MAP4: variants seen among roughly 807,000 people sequenced by gnomAD.
MAP4 encodes the protein microtubule associated protein 4.
MAP4 carries 76 observed loss-of-function variants against 170.2 expected under a neutral mutation model. The ratio of observed to expected loss-of-function variants is 0.45; its 90% confidence interval spans 0.37 to 0.54. MAP4 has a LOEUF of 0.54. Ranked by LOEUF, MAP4 falls within the 20% of genes least tolerant of loss-of-function variation. The pLI is 0.00. For synonymous variants in MAP4, 909 were observed against 994.5 expected (o/e 0.91, Z 1.62); for missense variants, 2,506 against 2,748.0 (o/e 0.91, Z 1.97).
intron 1 of MAP4, among the ~76,000 whole-genome samples, chr3:48,085,149 G>A (rs531107660): frequency 7.7e-5 from 11 of 143,598 alleles, no homozygotes; most frequent in Middle Eastern, 7.6e-3. Flanking sequence ...CACATCTTAA[G>A]GAAATCTAAA....
At chr3:47,928,449 A>G in intron 3 of MAP4, 99 bp from the exon 4 acceptor site, 1 of 1,233,420 alleles carries the variant, frequency 8.1e-7, no homozygotes, top group South Asian at 1.4e-5. Context: ...TACAATATAA[A>G]AAATCCTATC....
intron 2 of MAP4, among the ~76,000 whole-genome samples, chr3:47,991,451 G>A (rs111988390): frequency 0.011 from 1,744 of 152,160 alleles, 37 homozygotes; most frequent in African/African-American, 0.04. Flanking sequence ...CAGGAGGATC[G>A]CTTGAGGCCA....
At chr3:48,062,534 A>C (rs1482027136) in intron 1 of MAP4, among the ~76,000 whole-genome samples, 1 of 148,200 alleles carries the variant, frequency 6.7e-6, no homozygotes, top group Non-Finnish European at 1.5e-5. Context: ...TATGTACCCC[A>C]TGACTATGTA....
intron 4 of MAP4, among the ~76,000 whole-genome samples, chr3:47,922,114 ATTTTTGTATT>A (rs1387235713): frequency 1.3e-5 from 2 of 151,928 alleles, no homozygotes; most frequent in Non-Finnish European, 2.9e-5. Flanking sequence ...TGCCTGGCTA[ATTTTTGTATT>A]TTTTTGTAGA....
At chr3:47,953,841 C>T (rs1212450255) in intron 3 of MAP4, among the ~76,000 whole-genome samples, 1 of 151,900 alleles carries the variant, frequency 6.6e-6, no homozygotes, top group Non-Finnish European at 1.5e-5. Flanking sequence ...TGGTGAAACC[C>T]CGACTGTACT....
At chr3:47,956,379 C>T (rs1010179025) in intron 3 of MAP4, among the ~76,000 whole-genome samples, 10 of 152,262 alleles carry the variant, frequency 6.6e-5, no homozygotes, top group Non-Finnish European at 1.3e-4. Flanking sequence ...GCCAGTATCA[C>T]CCAAAAGTGG....
intron 1 of MAP4, among the ~76,000 whole-genome samples, chr3:48,087,879 G>A (rs368024457): frequency 6.6e-6 from 1 of 152,056 alleles, no homozygotes; most frequent in Non-Finnish European, 1.5e-5. Context: ...GAGAAAAGGG[G>A]GTTTCCAGTA....
At chr3:48,032,374 C>T (rs549745558) in intron 1 of MAP4, among the ~76,000 whole-genome samples, 4 of 151,482 alleles carry the variant, frequency 2.6e-5, no homozygotes, top group Admixed American at 6.6e-5. Context: ...TGGTGGTGTG[C>T]GCCTGTAATC....
chr3:47,898,238 T>TCAC (rs1398749457), intron 10 of MAP4, among the ~76,000 whole-genome samples: 1 of 152,000 alleles, frequency 6.6e-6, no homozygotes, highest in Non-Finnish European at 1.5e-5. Context: ...GCATGGTGGC[T>TCAC]CACCCCTGTA....
chr3:47,952,717 G>T (rs1216174217), intron 3 of MAP4, among the ~76,000 whole-genome samples: 1 of 151,744 alleles, frequency 6.6e-6, no homozygotes, highest in East Asian at 1.9e-4. Context: ...GAGATCAGGA[G>T]TTCGAGACCA....
intron 1 of MAP4, among the ~76,000 whole-genome samples, chr3:48,054,872 A>C (rs1311969381): frequency 2.0e-5 from 3 of 152,104 alleles, no homozygotes; most frequent in African/African-American, 7.2e-5. Context: ...AAGACCAAGA[A>C]AGTAGCAGTC....
intron 1 of MAP4, among the ~76,000 whole-genome samples, chr3:48,065,756 GAGT>G (rs1352318711): frequency 2.0e-5 from 3 of 152,172 alleles, no homozygotes; most frequent in Non-Finnish European, 4.4e-5. Flanking sequence ...TGATGCCACA[GAGT>G]ACCTGACAGA....
intron 2 of MAP4, among the ~76,000 whole-genome samples, chr3:47,997,874 C>T (rs1443938689): frequency 6.6e-6 from 1 of 152,094 alleles, no homozygotes; most frequent in African/African-American, 2.4e-5. Flanking sequence ...TACAAACTAC[C>T]AAAGCTAACT....
intron 1 of MAP4, among the ~76,000 whole-genome samples, chr3:48,007,133 C>A (rs1028136368): frequency 6.6e-6 from 1 of 152,218 alleles, no homozygotes; most frequent in Non-Finnish European, 1.5e-5. Context: ...ATTATGCTGA[C>A]TGGATCCAGT....
chr3:47,879,822 C>G (rs1457272419), intron 10 of MAP4, among the ~76,000 whole-genome samples: 1 of 152,174 alleles, frequency 6.6e-6, no homozygotes, highest in African/African-American at 2.4e-5. Flanking sequence ...AAATATATGG[C>G]AACTACTATG....
chr3:48,022,808 T>C (rs1026981187), intron 1 of MAP4, among the ~76,000 whole-genome samples: 1 of 152,086 alleles, frequency 6.6e-6, no homozygotes, highest in Non-Finnish European at 1.5e-5. Context: ...GAAGAATCAC[T>C]TGAACCCGGG....
chr3:47,987,273 T>C (rs1236886848), intron 2 of MAP4: 1 of 731,106 alleles, frequency 1.4e-6, no homozygotes, highest in Non-Finnish European at 2.0e-6. Flanking sequence ...AAACAAAATA[T>C]TATTCCTGTG....
chr3:47,988,047 AGCCGGGCGTGGCGG>A (rs1337647936), intron 2 of MAP4, among the ~76,000 whole-genome samples: 3 of 152,094 alleles, frequency 2.0e-5, no homozygotes, highest in African/African-American at 7.2e-5. Context: ...ACAAAAAATT[AGCCGGGCGTGGCGG>A]CACACGCCTG....
At chr3:47,874,792 C>G (rs888833672) in intron 12 of MAP4, among the ~76,000 whole-genome samples, 2 of 152,220 alleles carry the variant, frequency 1.3e-5, no homozygotes, top group African/African-American at 4.8e-5. Flanking sequence ...AGTTTCTTGG[C>G]CAGGGCTTCA....
Sources: gnomAD v4.1 joint callset for allele counts (sites outside exome capture counted in the v4.1 genomes callset) on GRCh38, gnomAD v4.1.1 for gene constraint, MANE v1.5 for transcripts, NCBI Gene and HGNC (gene_info 2026-07-23, HGNC 2026-07-21) for gene names.